ASTN2: variants seen among roughly 807,000 people sequenced by gnomAD.
The protein encoded by ASTN2 is astrotactin-2.
Under a neutral mutation model 139.8 loss-of-function variants are expected in ASTN2, and 54 were observed. The ratio of observed to expected loss-of-function variants is 0.39; its 90% CI spans 0.31 to 0.48. The LOEUF (loss-of-function observed/expected upper bound fraction) is 0.48. ASTN2 is among the 20% of genes least tolerant of loss of function. The pLI is 0.95. For missense variants in ASTN2, 1,565 were observed against 1,725.1 expected, an observed-to-expected ratio of 0.91 and a Z score of 1.64; for synonymous variants, 756 against 719.5, an observed-to-expected ratio of 1.05 and a Z score of -0.81.
At chr9:117,412,649 G>C (rs1489948898) in intron 1 of ASTN2, among the ~76,000 whole-genome samples, 1 of 152,166 alleles carries the variant, frequency 6.6e-6, no homozygotes, top group South Asian at 2.1e-4. Context: ...CCCAAGGACC[G>C]TCTCATCCCT....
At chr9:116,577,782 G>C (rs566921749) in intron 19 of ASTN2, among the ~76,000 whole-genome samples, 22 of 152,308 alleles carry the variant, frequency 1.4e-4, no homozygotes, top group African/African-American at 5.3e-4. Context: ...CTTGAAGCTA[G>C]AAGGGATAGA....
Position 117,016,620 on chromosome 9 carries a change from C to CA in ASTN2, c.1424-8362_1424-8361insT, listed in dbSNP as rs1564385814. The stretch of plus-strand genomic sequence containing the variant: ...TATATATATCTATATCTATATCTAT[C>CA]TATCTATATATATATATATATATAT... On this transcript the variant is annotated intron_variant, in intron 6 of 22. Coordinates refer to ENST00000313400, the MANE Select transcript of ASTN2 (RefSeq NM_001365068.1). Among the ~76,000 whole-genome samples, 55 of 16,012 alleles carry CA rather than the reference C, an allele frequency of 3.4e-3. 7 individuals carry two copies. Among genetic ancestry groups the CA allele is most frequent in the African/African-American group, 0.014 (36 of 2,532 alleles). The allele number at this position is 16,012 out of a possible 152,430, so 10.5% of individuals were successfully genotyped here.
chr9:117,099,490 G>C (rs1002288121), intron 4 of ASTN2, among the ~76,000 whole-genome samples: 5 of 152,198 alleles, frequency 3.3e-5, no homozygotes, highest in African/African-American at 1.2e-4. Flanking sequence ...GAGCAAGATA[G>C]ACAGAGTGAC....
intron 22 of ASTN2, among the ~76,000 whole-genome samples, chr9:116,436,422 C>A (rs901502604): frequency 2.6e-5 from 4 of 152,202 alleles, no homozygotes; most frequent in Non-Finnish European, 5.9e-5. Flanking sequence ...CTGGTCCACA[C>A]ATTTAAATCA....
chr9:116,944,079 C>T (rs1488269603), intron 10 of ASTN2, among the ~76,000 whole-genome samples: 1 of 151,832 alleles, frequency 6.6e-6, no homozygotes, highest in Non-Finnish European at 1.5e-5. Flanking sequence ...TAAATATGAG[C>T]TCGTCTCATT....
At chr9:117,032,778 G>T (rs1025384441) in intron 6 of ASTN2, among the ~76,000 whole-genome samples, 3 of 152,090 alleles carry the variant, frequency 2.0e-5, no homozygotes, top group African/African-American at 7.2e-5. Context: ...TACATGTGTG[G>T]CATATTAGTG....
chr9:116,515,026 C>A (rs1850584099), intron 19 of ASTN2, among the ~76,000 whole-genome samples: 1 of 152,100 alleles, frequency 6.6e-6, no homozygotes. Context: ...CCAACAAGCC[C>A]CAGTGAGATG....
intron 13 of ASTN2, among the ~76,000 whole-genome samples, chr9:116,743,813 T>C (rs1829160662): frequency 6.6e-6 from 1 of 152,176 alleles, no homozygotes; most frequent in Non-Finnish European, 1.5e-5. Flanking sequence ...GAAACATGTT[T>C]TTGCTATCAG....
intron 2 of ASTN2, among the ~76,000 whole-genome samples, chr9:117,234,512 G>C (rs566700604): frequency 3.0e-4 from 46 of 152,266 alleles, no homozygotes; most frequent in African/African-American, 1.1e-3. Context: ...CCAAATATCA[G>C]AACGGACAGG....
At chr9:116,914,580 TA>T (rs200241908) in intron 10 of ASTN2, among the ~76,000 whole-genome samples, 128 of 135,658 alleles carry the variant, frequency 9.4e-4, no homozygotes, top group Non-Finnish European at 1.1e-3. Context: ...TATTTATATA[TA>T]TTTTTTTTTA....
intron 12 of ASTN2, among the ~76,000 whole-genome samples, chr9:116,817,150 T>C (rs961975838): frequency 9.2e-5 from 14 of 151,792 alleles, no homozygotes; most frequent in African/African-American, 3.4e-4. Flanking sequence ...AAAAATTAGC[T>C]GGGTGTGGTG....
chr9:117,322,667 G>A (rs2130833756), intron 1 of ASTN2, among the ~76,000 whole-genome samples: 1 of 152,206 alleles, frequency 6.6e-6, no homozygotes, highest in East Asian at 1.9e-4. Flanking sequence ...TTAGGTCTTG[G>A]GGAGGTGCAC....
rs112677321 is a variant in ASTN2 at position 117,275,084 on chromosome 9, A to C, written c.630+16242T>G. Among the ~76,000 whole-genome samples the C allele has an allele frequency of 4.5e-3, 678 of 152,302 alleles. 6 individuals carry two copies. Among genetic ancestry groups the C allele is most frequent in the African/African-American group, 0.016 (650 of 41,562 alleles). On this transcript the variant is annotated intron_variant, in intron 2 of 22. Transcript: ENST00000313400. ...ATCATTAACCACCAAAGTTCTTGCC[A>C]TTGTATATCAAAGACTGCCTTTCCT...
At chr9:117,069,219 C>T (rs1206449344) in intron 5 of ASTN2, among the ~76,000 whole-genome samples, 5 of 90,126 alleles carry the variant, frequency 5.5e-5, no homozygotes, top group South Asian at 4.9e-4. Flanking sequence ...TCTTTGTTCT[C>T]GTTGGTTTCA....
At chr9:117,168,836 G>GT (rs1352100487) in intron 3 of ASTN2, among the ~76,000 whole-genome samples, 1 of 152,018 alleles carries the variant, frequency 6.6e-6, no homozygotes, top group Non-Finnish European at 1.5e-5. Flanking sequence ...ATTGCAGTTT[G>GT]TTTTTTTCAT....
chr9:116,865,459 C>T (rs1194498529), intron 10 of ASTN2, among the ~76,000 whole-genome samples: 1 of 114,348 alleles, frequency 8.7e-6, no homozygotes, highest in Non-Finnish European at 1.7e-5. Flanking sequence ...AAAAAAAAGG[C>T]AAGCGAAGAA....
intron 3 of ASTN2, among the ~76,000 whole-genome samples, chr9:117,199,169 C>A (rs1417943858): frequency 2.6e-5 from 4 of 152,144 alleles, no homozygotes; most frequent in African/African-American, 7.2e-5. Context: ...GCTTTTGTTG[C>A]AATTGCTTTT....
intron 3 of ASTN2, among the ~76,000 whole-genome samples, chr9:117,211,643 A>G (rs1832132780): frequency 6.6e-6 from 1 of 152,192 alleles, no homozygotes; most frequent in African/African-American, 2.4e-5. Context: ...ACCCAGTCTC[A>G]GGTAGTTCTT....
chr9:117,125,853 G>C (rs560648321), intron 4 of ASTN2, among the ~76,000 whole-genome samples: 108 of 151,960 alleles, frequency 7.1e-4, no homozygotes, highest in Non-Finnish European at 1.0e-3. Context: ...GGATTGCAAA[G>C]GATTAATGAG....
Sources: gnomAD v4.1 joint callset for allele counts (sites outside exome capture counted in the v4.1 genomes callset) on GRCh38, gnomAD v4.1.1 for gene constraint, MANE v1.5 for transcripts, NCBI Gene and HGNC (gene_info 2026-07-23, HGNC 2026-07-21) for gene names.